MACROD2: variants seen among roughly 807,000 people sequenced by gnomAD.
MACROD2 encodes the protein ADP-ribose glycohydrolase MACROD2.
In MACROD2, 36 loss-of-function variants were observed where a neutral mutation model predicts 70.4. That is an observed-to-expected ratio of 0.51 (90% CI 0.39 to 0.68). The LOEUF is 0.68. MACROD2 is among the 30% of genes least tolerant of loss of function. The pLI, the probability that MACROD2 is intolerant of heterozygous loss-of-function variation, is 0.00. For synonymous variants in MACROD2, 172 were observed against 178.8 expected, an observed-to-expected ratio of 0.96 and a Z score of 0.30; for missense variants, 496 against 538.4, an observed-to-expected ratio of 0.92 and a Z score of 0.78.
At chr20:15,369,035 G>A (rs141208214) in intron 6 of MACROD2, among the ~76,000 whole-genome samples, 2 of 152,224 alleles carry the variant, frequency 1.3e-5, no homozygotes, top group African/African-American at 4.8e-5. Flanking sequence ...GGTATGAATT[G>A]TGCCATTATA....
At position 14,998,124 on chromosome 20, in the gene MACROD2, C is replaced by G. The variant is rs374613963; in HGVS notation, c.419-231816C>G. On this transcript the variant is annotated intron_variant, in intron 5 of 17. Transcript: ENST00000684519. ...CATTTCCCTTTGAATGCTTGGAAAG[C>G]CTTCTCAGAAAGGTCGGGTACAAAT... 1.1e-4 allele frequency among the ~76,000 whole-genome samples: 17 copies of G among 152,148 alleles called. No individual in the cohort carries two copies. The East Asian group carries it at 1.4e-3, about 12-fold the overall frequency.
In MACROD2 at chr20:15,530,098, A is replaced by T. The variant is rs116878008; in HGVS notation, c.645+30251A>T. ...ATAAACCTGATTTAATTAGGCCTAA[A>T]AAGTTTTATTTGTTACCTGTTAGTC... is the stretch of plus-strand genomic sequence containing the variant. On this transcript the variant is annotated intron_variant, in intron 8 of 17. Transcript: ENST00000684519. 2.6e-3 allele frequency among the ~76,000 whole-genome samples: 392 copies of T among 152,316 alleles called. 9 individuals are homozygous for T. In the East Asian group the frequency reaches 0.05, roughly 19 times the overall value.
At position 14,561,904 on chromosome 20, in the gene MACROD2, T is replaced by C. The variant is rs1394587284; in HGVS notation, c.301+68396T>C. On this transcript the variant is annotated intron_variant, in intron 4 of 17. Coordinates refer to ENST00000684519, the MANE Select transcript of MACROD2 (RefSeq NM_001351661.2). ...GCTGAAACAATTGGTATGAGAAACA[T>C]ACCAAGAAAATATTCTAATCATAAT... 5.3e-5 allele frequency among the ~76,000 whole-genome samples: 8 copies of C among 151,858 alleles called. No individual in the cohort carries two copies. In the East Asian group the frequency reaches 1.6e-3, roughly 29 times the overall value.
At chr20:14,402,976 A>G (rs2083654047) in intron 3 of MACROD2, among the ~76,000 whole-genome samples, 1 of 152,220 alleles carries the variant, frequency 6.6e-6, no homozygotes, top group African/African-American at 2.4e-5. Context: ...AAGGCAAAAT[A>G]TCTCGTGTAT....
intron 5 of MACROD2, among the ~76,000 whole-genome samples, chr20:14,992,291 C>G (rs1156660789): frequency 6.6e-6 from 1 of 152,112 alleles, no homozygotes; most frequent in African/African-American, 2.4e-5. Context: ...ATAAAATAAA[C>G]AAAACACAAT....
At chr20:13,997,390 A>C (rs1156763962) in intron 1 of MACROD2, among the ~76,000 whole-genome samples, 3 of 152,194 alleles carry the variant, frequency 2.0e-5, no homozygotes, top group African/African-American at 4.8e-5. Context: ...TTTATTGATG[A>C]TGCTGAAATG....
intron 7 of MACROD2, among the ~76,000 whole-genome samples, chr20:15,451,771 G>C (rs948726536): frequency 6.6e-6 from 1 of 152,100 alleles, no homozygotes; most frequent in Admixed American, 6.6e-5. Flanking sequence ...GCTGTGGTTT[G>C]CCTGTCACTA....
intron 3 of MACROD2, among the ~76,000 whole-genome samples, chr20:14,377,393 T>A (rs906458293): frequency 6.6e-6 from 1 of 152,230 alleles, no homozygotes; most frequent in Non-Finnish European, 1.5e-5. Flanking sequence ...ATTGAATACT[T>A]AGAGTGACAA....
intron 7 of MACROD2, among the ~76,000 whole-genome samples, chr20:15,445,491 T>C (rs1029707755): frequency 1.3e-5 from 2 of 152,172 alleles, no homozygotes; most frequent in African/African-American, 4.8e-5. Flanking sequence ...TAGTTATTTG[T>C]GGTCTGAAAT....
chr20:15,857,596 C>A (rs2064371505), intron 8 of MACROD2, among the ~76,000 whole-genome samples: 1 of 152,210 alleles, frequency 6.6e-6, no homozygotes. Flanking sequence ...CCAAGCCCTG[C>A]ACCCACCTTC....
In MACROD2 at chr20:16,035,101, T is replaced by A. The variant is rs2067208351; in HGVS notation, c.1154-6100T>A. ...ATAATATGTAATATAAAATATTATA[T>A]ATTATATATAAAATATAATATAAAA... is the stretch of plus-strand genomic sequence containing the variant. On this transcript the variant is annotated intron_variant, in intron 15 of 17. Coordinates refer to ENST00000684519, the MANE Select transcript of MACROD2 (RefSeq NM_001351661.2). Among the ~76,000 whole-genome samples, 40 of 6,222 alleles carry A rather than the reference T, an allele frequency of 6.4e-3. 1 individual carries two copies. The highest frequency in any genetic ancestry group is 0.04 in the Non-Finnish European group (22 of 550). 4.1% of individuals were successfully genotyped at this position (6,222 alleles called of 152,430 possible).
At chr20:14,644,045 G>A in intron 4 of MACROD2, among the ~76,000 whole-genome samples, 1 of 152,048 alleles carries the variant, frequency 6.6e-6, no homozygotes, top group South Asian at 2.1e-4. Flanking sequence ...GCATATAAGT[G>A]GGAAATAAAT....
intron 6 of MACROD2, among the ~76,000 whole-genome samples, chr20:15,250,860 T>C (rs2077149670): frequency 6.6e-6 from 1 of 152,212 alleles, no homozygotes; most frequent in Non-Finnish European, 1.5e-5. Flanking sequence ...CTGCTAATTA[T>C]TGGATCCATA....
At chr20:15,958,718 C>T (rs943839766) in intron 12 of MACROD2, among the ~76,000 whole-genome samples, 1 of 152,180 alleles carries the variant, frequency 6.6e-6, no homozygotes, top group African/African-American at 2.4e-5. Context: ...GAAGCCCTAA[C>T]CTCCAACGTG....
At chr20:14,417,846 G>C (rs1345345389) in intron 3 of MACROD2, among the ~76,000 whole-genome samples, 1 of 152,110 alleles carries the variant, frequency 6.6e-6, no homozygotes. Context: ...AAGGATTTTA[G>C]GCTGTTAAAA....
intron 4 of MACROD2, among the ~76,000 whole-genome samples, chr20:14,653,375 A>C (rs575171021): frequency 1.3e-4 from 20 of 151,836 alleles, no homozygotes; most frequent in African/African-American, 2.4e-4. Flanking sequence ...CCCGCCACCA[A>C]GCCCGGCTAA....
chr20:15,526,006 A>G (rs1487868935), intron 8 of MACROD2, among the ~76,000 whole-genome samples: 1 of 152,222 alleles, frequency 6.6e-6, no homozygotes, highest in Non-Finnish European at 1.5e-5. Context: ...TTTTATTTTT[A>G]ACATCTAATA....
chr20:16,004,248 C>G (rs1223484168), intron 15 of MACROD2, among the ~76,000 whole-genome samples: 1 of 152,186 alleles, frequency 6.6e-6, no homozygotes, highest in East Asian at 1.9e-4. Context: ...CATATGCCCT[C>G]TTTGTGGTCA....
At chr20:16,031,367 T>C (rs1277688060) in intron 15 of MACROD2, among the ~76,000 whole-genome samples, 1 of 152,192 alleles carries the variant, frequency 6.6e-6, no homozygotes, top group Non-Finnish European at 1.5e-5. Flanking sequence ...TCGTTATCAT[T>C]ATCATGCTCT....
Sources: gnomAD v4.1 joint callset for allele counts (sites outside exome capture counted in the v4.1 genomes callset) on GRCh38, gnomAD v4.1.1 for gene constraint, MANE v1.5 for transcripts, NCBI Gene and HGNC (gene_info 2026-07-23, HGNC 2026-07-21) for gene names.